The following MTCL1 variants were observed in gnomAD, a reference collection of about 807,000 sequenced individuals.
MTCL1 encodes microtubule cross-linking factor 1.
MTCL1 carries 79 observed loss-of-function variants against 141.4 expected under a neutral mutation model. That is an observed-to-expected ratio of 0.56 (90% CI 0.47 to 0.67). The LOEUF is 0.67. Among genes scored for constraint, MTCL1 ranks in the 30% least tolerant of loss-of-function variants. MTCL1 has a pLI of 0.00. For missense variants in MTCL1, 2,177 were observed against 2,113.9 expected (o/e 1.03, Z -0.59); for synonymous variants, 914 against 875.8 (o/e 1.04, Z -0.77).
At chr18:8,813,905 T>TG (rs1407812432) in intron 12 of MTCL1, among the ~76,000 whole-genome samples, 1 of 152,216 alleles carries the variant, frequency 6.6e-6, no homozygotes, top group Non-Finnish European at 1.5e-5. Flanking sequence ...TTTGCATAGT[T>TG]GCAGTAGTTC....
At chr18:8,802,693 TCTCA>T (rs1276068911) in intron 10 of MTCL1, among the ~76,000 whole-genome samples, 11 of 152,214 alleles carry the variant, frequency 7.2e-5, no homozygotes, top group African/African-American at 2.7e-4. Flanking sequence ...ACATTGTAAG[TCTCA>T]CTCAAGAGAG....
chr18:8,809,469 A>G, intron 11 of MTCL1: 1 of 1,535,788 alleles, frequency 6.5e-7, no homozygotes, highest in Middle Eastern at 1.7e-4. Flanking sequence ...ATATCCCAGA[A>G]TTAACATTGA....
intron 7 of MTCL1, among the ~76,000 whole-genome samples, chr18:8,792,385 C>T (rs1002678075): frequency 6.6e-6 from 1 of 152,182 alleles, no homozygotes; most frequent in Non-Finnish European, 1.5e-5. Flanking sequence ...CATCTTTGTG[C>T]GATTCCCTGT....
chr18:8,814,384 T>C (rs903329133), intron 12 of MTCL1, among the ~76,000 whole-genome samples: 2 of 152,130 alleles, frequency 1.3e-5, no homozygotes. Context: ...ATAGAAAAGC[T>C]GAAACTCTTC....
chr18:8,764,066 C>T (rs1352858789), intron 4 of MTCL1, among the ~76,000 whole-genome samples: 1 of 151,910 alleles, frequency 6.6e-6, no homozygotes, highest in African/African-American at 2.4e-5. Context: ...ACACATTTTC[C>T]ATGCAGAGTG....
In MTCL1 at chr18:8,798,185, G is replaced by A. The variant is rs548419157; in HGVS notation, c.2330G>A (p.Arg777Gln). 44 of 1,599,470 alleles carry A rather than the reference G, an allele frequency of 2.8e-5. No homozygotes were observed. In the East Asian group the frequency reaches 5.1e-4, roughly 19 times the overall value. ...GATGGCCCAGACCACGACAGTGACC[G>A]AGGCTGTGGCTTTCCAGTGGGGGAG... Residue 777 changes from arginine (R) to glutamine (Q), a missense_variant, in exon 10 of 17, where the codon CGA becomes CAA. By Grantham distance (43) the Arg-to-Gln change is conservative. Coordinates refer to ENST00000359865, the Ensembl canonical transcript of MTCL1.
In MTCL1 at chr18:8,727,682, C is replaced by T. The variant is rs567365412; in HGVS notation, c.357+7186C>T. Among the ~76,000 whole-genome samples the T allele has an allele frequency of 2.5e-4, 38 of 152,224 alleles. No homozygotes were observed. In the South Asian group the frequency reaches 6.0e-3, roughly 24 times the overall value. On this transcript the variant is annotated intron_variant, in intron 4 of 16. Coordinates refer to ENST00000359865, the Ensembl canonical transcript of MTCL1. ...TCATTTTTCTATGTCATTATGTTTT[C>T]AGTGTATTTCTTCTGAACAGAATGT...
At chr18:8,798,215 C>G (rs921650653) in exon 10 of MTCL1, 2 of 1,599,518 alleles carry the variant, frequency 1.3e-6, no homozygotes, top group African/African-American at 1.4e-5. Context: ...GGGGAGCACT[C>G]CCCACACTCC....
In MTCL1 at chr18:8,772,602, T is replaced by A. The variant is rs534907717; in HGVS notation, c.358-5231T>A. On this transcript the variant is annotated intron_variant, in intron 4 of 16. Transcript: ENST00000359865. ...ATATATGTTATATATTATTATGTTA[T>A]ATATATGTGTTATATATTAGTATTT... Among the ~76,000 whole-genome samples, 23 of 150,666 alleles carry A rather than the reference T, an allele frequency of 1.5e-4. No homozygotes were observed. In the Middle Eastern group the frequency reaches 0.011, roughly 70 times the overall value.
At chr18:8,715,013 G>T (rs1461442344), upstream of MTCL1, among the ~76,000 whole-genome samples, 2 of 152,070 alleles carry the variant, frequency 1.3e-5, no homozygotes, top group East Asian at 1.9e-4. Flanking sequence ...AGCCAGGATG[G>T]TCTTGATCTC....
exon 10 of MTCL1, chr18:8,798,280 C>A (rs755859686): frequency 5.2e-6 from 8 of 1,543,326 alleles, no homozygotes; most frequent in Non-Finnish European, 7.0e-6. Context: ...CAGGGGACAG[C>A]CCCACAAACA....
intron 4 of MTCL1, among the ~76,000 whole-genome samples, chr18:8,756,487 ATATATG>A (rs1469804119): frequency 0.019 from 2,802 of 148,634 alleles, 102 homozygotes; most frequent in African/African-American, 0.068. Flanking sequence ...ATATGTGTGT[ATATATG>A]TATATATGTG....
chr18:8,764,785 T>C (rs1598552143), intron 4 of MTCL1, among the ~76,000 whole-genome samples: 1 of 152,328 alleles, frequency 6.6e-6, no homozygotes, highest in East Asian at 1.9e-4. Flanking sequence ...TGTAAGGATG[T>C]TGGGTCAACT....
In MTCL1 at chr18:8,744,211, G is replaced by A. The variant is rs376134383; in HGVS notation, c.357+23715G>A. Reference sequence around the variant, plus strand: ...CGGGCCCACTGGCACCCTTTCCGCCGCTAGCTAGGTGCATGCGGTTAGCTG... The same window carrying A: ...CGGGCCCACTGGCACCCTTTCCGCCACTAGCTAGGTGCATGCGGTTAGCTG... On this transcript the variant is annotated intron_variant, in intron 4 of 16. Coordinates refer to ENST00000359865, the Ensembl canonical transcript of MTCL1. Among the ~76,000 whole-genome samples the A allele has an allele frequency of 4.9e-4, 74 of 152,340 alleles. 1 individual carries two copies. Among genetic ancestry groups the A allele is most frequent in the African/African-American group, 6.5e-4 (27 of 41,576 alleles).
Position 8,810,373 on chromosome 18 carries a change from G to T in MTCL1, c.2605-2606G>T, listed in dbSNP as rs1219262517. The stretch of plus-strand genomic sequence containing the variant: ...CTGATGACACGAGGTTCCTCAGTAG[G>T]CAGGGGGATTGGGCTCTAAGCATTG... On this transcript the variant is annotated intron_variant, in intron 11 of 16. Coordinates refer to ENST00000359865, the Ensembl canonical transcript of MTCL1. This position sits in a 1 kb window ranked among gnomAD's most constrained non-coding sequence, Gnocchi z 5.0. Among the ~76,000 whole-genome samples, 1 of 152,180 alleles carries T rather than the reference G, an allele frequency of 6.6e-6. No individual in the cohort carries two copies. Among genetic ancestry groups the T allele is most frequent in the Non-Finnish European group, 1.5e-5 (1 of 68,036 alleles).
At chr18:8,725,811 A>G (rs1298421196) in intron 4 of MTCL1, among the ~76,000 whole-genome samples, 1 of 85,230 alleles carries the variant, frequency 1.2e-5, no homozygotes, top group Non-Finnish European at 2.1e-5. Context: ...TTTTTTTGAG[A>G]TGGAGTCTCT....
exon 15 of MTCL1, chr18:8,825,925 C>T: frequency 6.2e-7 from 1 of 1,607,982 alleles, no homozygotes; most frequent in South Asian, 1.1e-5. Context: ...CGGTCTCGCT[C>T]AGCAGAGCCC....
At chr18:8,784,918 G>C in intron 6 of MTCL1, 75 bp downstream of exon 5, 7 of 1,275,424 alleles carry the variant, frequency 5.5e-6, no homozygotes, top group Non-Finnish European at 7.5e-6. Context: ...CTGCACTCGG[G>C]CTCACGCTGC....
rs778474016 is a variant in MTCL1, at chr18:8,821,535, T to TA, written c.3188+42dup. ...TGATGAAAATAATAGATTACTAGAA[T>TA]AAAAATGTCTTGGTCTTAAAATGTT... On this transcript the variant is annotated intron_variant, in intron 14 of 16. Transcript: ENST00000359865. 3.4e-6 allele frequency: 4 copies of TA among 1,171,486 alleles called. No individual in the cohort carries two copies. The South Asian group carries it at 5.6e-5, about 16-fold the overall frequency. The allele number at this position is 1,171,486 out of a possible 1,614,324, so 72.6% of individuals were successfully genotyped here. A position where few individuals can be genotyped will look rare whatever the true frequency, so the allele number is the denominator to read the frequency against.
Sources: gnomAD v4.1 joint callset for allele counts (sites outside exome capture counted in the v4.1 genomes callset) on GRCh38, gnomAD v4.1.1 for gene constraint, Gnocchi (gnomAD v3.1) non-coding constraint, MANE v1.5 for transcripts, NCBI Gene and HGNC (gene_info 2026-07-23, HGNC 2026-07-21) for gene names.